GSE1: variants seen among roughly 807,000 people sequenced by gnomAD.
The protein encoded by GSE1 is Gse1 coiled-coil protein, also known as genetic suppressor element 1.
A neutral mutation model predicts 112.6 loss-of-function variants in GSE1; 32 were observed. The observed-to-expected ratio is 0.28, with a 90% confidence interval of 0.21 to 0.38. GSE1 has a LOEUF of 0.38. Among genes scored for constraint, GSE1 ranks in the 10% least tolerant of loss-of-function variants. The probability of loss-of-function intolerance (pLI) is 1.00; values close to 1 mark genes in which losing one functional copy is unlikely to be tolerated. For synonymous variants in GSE1, 1,115 were observed against 735.6 expected (o/e 1.52, Z -8.35); for missense variants, 2,348 against 1,699.2 (o/e 1.38, Z -6.71).
chr16:85,460,726 A>C (rs2049946201), intron 2 of GSE1, among the ~76,000 whole-genome samples: 1 of 151,104 alleles, frequency 6.6e-6, no homozygotes, highest in Non-Finnish European at 1.5e-5. Flanking sequence ...ATGCGCAGAC[A>C]CGGTCCTGTG....
In GSE1 at chr16:85,318,141, C is replaced by T. The variant is rs1451142735; in HGVS notation, c.2284-39322C>T. On this transcript the variant is annotated intron_variant, in intron 1 of 2. Coordinates refer to the GSE1 transcript ENST00000637419. The stretch of plus-strand genomic sequence containing the variant: ...GGCTTCAGATCTGGGGCCAGGGATG[C>T]GGTGCCCACCGCCAGGCCCCTTAAG... Among the ~76,000 whole-genome samples the T allele has an allele frequency of 1.2e-4, 19 of 152,304 alleles. No homozygotes were observed. In the East Asian group the frequency reaches 1.9e-3, roughly 15 times the overall value.
chr16:85,611,444 G>C, upstream of GSE1: 1 of 984,896 alleles, frequency 1.0e-6, no homozygotes, highest in Non-Finnish European at 1.2e-6. Flanking sequence ...TCCGGCCAAG[G>C]CCGCAAGGGG....
At position 85,665,117 on chromosome 16, in the gene GSE1, T is replaced by C; in HGVS notation, c.2747T>C (p.Val916Ala). The C allele has an allele frequency of 2.5e-6, 4 of 1,597,460 alleles. No individual in the cohort carries two copies. Among genetic ancestry groups the C allele is most frequent in the Non-Finnish European group, 2.6e-6 (3 of 1,165,514 alleles). ...AACTCTCCGAGGGACAGTCCTGCCG[T>C]CTCCCTGAGTGGTAAGGGAAGGATA... ...LTNSPRDSPA[V>A]SLSEPATQQA... Residue 916 changes from valine (V) to alanine (A), a missense_variant, in exon 12 of 16, where the codon GTC becomes GCC. Coordinates refer to ENST00000253458, the MANE Select transcript of GSE1 (RefSeq NM_014615.5).
At chr16:85,348,457 T>A (rs2046788149) in intron 1 of GSE1, among the ~76,000 whole-genome samples, 1 of 152,176 alleles carries the variant, frequency 6.6e-6, no homozygotes, top group African/African-American at 2.4e-5. Context: ...TTCCCTAGAT[T>A]ACCTTCACTC....
chr16:85,634,222 C>A (rs2049796078), intron 2 of GSE1, 90 bp downstream of exon 2: 6 of 891,016 alleles, frequency 6.7e-6, no homozygotes, highest in African/African-American at 1.8e-5. Flanking sequence ...ACGCTCACAG[C>A]AGGTCTCGTC....
intron 1 of GSE1, among the ~76,000 whole-genome samples, chr16:85,235,395 G>A (rs1381591323): frequency 6.6e-6 from 1 of 150,840 alleles, no homozygotes; most frequent in African/African-American, 2.4e-5. Context: ...AGACCGCAGC[G>A]GGGGGTGGGG....
intron 2 of GSE1, among the ~76,000 whole-genome samples, chr16:85,531,929 AAC>A (rs950865450): frequency 6.6e-6 from 1 of 152,176 alleles, no homozygotes; most frequent in Non-Finnish European, 1.5e-5. Flanking sequence ...CCTCAGAGAG[AAC>A]ACAGATTCCC....
chr16:85,420,080 GCAGAC>G (rs1343104456), intron 2 of GSE1, among the ~76,000 whole-genome samples: 7 of 150,798 alleles, frequency 4.6e-5, no homozygotes, highest in African/African-American at 1.7e-4. Context: ...GGGTGCCCTG[GCAGAC>G]ACTGAGCAGT....
At chr16:85,379,449 C>T (rs1011214663) in intron 2 of GSE1, among the ~76,000 whole-genome samples, 3 of 152,206 alleles carry the variant, frequency 2.0e-5, no homozygotes, top group Non-Finnish European at 2.9e-5. Context: ...TCCCACAGAC[C>T]CCTCCCTGCT....
intron 2 of GSE1, among the ~76,000 whole-genome samples, chr16:85,364,948 G>A (rs566191731): frequency 2.2e-4 from 34 of 152,326 alleles, no homozygotes; most frequent in African/African-American, 6.5e-4. Context: ...CTCTCCCTGG[G>A]TCCTGTGTAC....
chr16:85,647,390 A>G (rs2050964056), intron 2 of GSE1, among the ~76,000 whole-genome samples: 1 of 152,140 alleles, frequency 6.6e-6, no homozygotes, highest in Non-Finnish European at 1.5e-5. Context: ...TAAACAGCGA[A>G]CCTAGGCAAA....
At chr16:85,653,806 C>T (rs917379424) in intron 3 of GSE1, among the ~76,000 whole-genome samples, 33 of 152,204 alleles carry the variant, frequency 2.2e-4, no homozygotes, top group African/African-American at 8.0e-4. Context: ...ACATCTGCGG[C>T]CAGGTGGGCA....
At position 85,646,339 on chromosome 16, in the gene GSE1, A is replaced by G. The variant is rs1210167436; in HGVS notation, c.227-2213A>G. Among the ~76,000 whole-genome samples, 5 of 152,320 alleles carry G rather than the reference A, an allele frequency of 3.3e-5. No homozygotes were observed. The East Asian group carries it at 9.6e-4, about 29-fold the overall frequency. On this transcript the variant is annotated intron_variant, in intron 2 of 15. Coordinates refer to ENST00000253458, the MANE Select transcript of GSE1 (RefSeq NM_014615.5). The stretch of plus-strand genomic sequence containing the variant: ...AACAGAAGGTGCCCAATTGTACCAC[A>G]CCTCCTCAGATGGCAGCATCTGTCC...
rs548510504 is a variant in GSE1 at position 85,246,244 on chromosome 16, C to A, written c.2283+74437C>A. Among the ~76,000 whole-genome samples the A allele has an allele frequency of 4.7e-3, 633 of 133,828 alleles. 4 individuals carry two copies. The highest frequency in any genetic ancestry group is 7.7e-3 in the Non-Finnish European group (475 of 62,036). The allele number at this position is 133,828 out of a possible 152,430, so 87.8% of individuals were successfully genotyped here. A position where few individuals can be genotyped will look rare whatever the true frequency, so the allele number is the denominator to read the frequency against. The stretch of plus-strand genomic sequence containing the variant: ...ACACACACACACACACACACGCACA[C>A]CACACGCTGTCTACACACACACACA... On this transcript the variant is annotated intron_variant, in intron 1 of 2. Transcript: ENST00000637419.
At chr16:85,420,583 C>T (rs898157521) in intron 2 of GSE1, among the ~76,000 whole-genome samples, 21 of 152,146 alleles carry the variant, frequency 1.4e-4, no homozygotes, top group African/African-American at 4.8e-4. Flanking sequence ...CACCACCATG[C>T]GTCCTCCAGT....
At chr16:85,614,261 G>A (rs374187789) in intron 1 of GSE1, among the ~76,000 whole-genome samples, 2 of 152,184 alleles carry the variant, frequency 1.3e-5, no homozygotes, top group African/African-American at 4.8e-5. Context: ...GATGGGCGGC[G>A]AGTGGCCCGA....
chr16:85,212,544 G>A (rs1200733109), intron 1 of GSE1, among the ~76,000 whole-genome samples: 1 of 152,194 alleles, frequency 6.6e-6, no homozygotes, highest in Non-Finnish European at 1.5e-5. Flanking sequence ...AAGGACATGG[G>A]GAAGACAGCG....
chr16:85,357,195 A>G (rs2046967741), intron 1 of GSE1, among the ~76,000 whole-genome samples: 1 of 152,198 alleles, frequency 6.6e-6, no homozygotes, highest in Non-Finnish European at 1.5e-5. Flanking sequence ...TGGATGGCCA[A>G]GAAGATGGGG....
intron 2 of GSE1, among the ~76,000 whole-genome samples, chr16:85,456,579 C>CGTGTGTGTGGGT (rs2049831752): frequency 1.1e-5 from 1 of 91,476 alleles, no homozygotes; most frequent in Non-Finnish European, 2.3e-5. Context: ...ATTTTCCTGC[C>CGTGTGTGTGGGT]GTGTGTGTGT....
Sources: gnomAD v4.1 joint callset for allele counts (sites outside exome capture counted in the v4.1 genomes callset) on GRCh38, gnomAD v4.1.1 for gene constraint, MANE v1.5 for transcripts, NCBI Gene and HGNC (gene_info 2026-07-23, HGNC 2026-07-21) for gene names.